Variants in KCNIP4 observed in about 807,000 individuals in gnomAD.
KCNIP4 encodes Kv channel-interacting protein 4.
A neutral mutation model predicts 34.0 loss-of-function variants in KCNIP4; 12 were observed. That is an observed-to-expected ratio of 0.35 (90% CI 0.23 to 0.57). The LOEUF (loss-of-function observed/expected upper bound fraction) is 0.57, where lower values mean the gene tolerates loss of function less well. KCNIP4 is among the 20% of genes least tolerant of loss of function. The pLI is 0.83. For missense variants in KCNIP4, 238 were observed against 311.7 expected (o/e 0.76, Z 1.78); for synonymous variants, 124 against 102.2 (o/e 1.21, Z -1.29).
intron 1 of KCNIP4, among the ~76,000 whole-genome samples, chr4:21,452,911 T>C (rs1198472449): frequency 1.3e-5 from 2 of 152,148 alleles, no homozygotes; most frequent in Non-Finnish European, 2.9e-5. Flanking sequence ...TTTGTTCTTA[T>C]TTTAATTAAT....
At chr4:21,802,610 C>T (rs544283166) in intron 1 of KCNIP4, among the ~76,000 whole-genome samples, 1 of 152,308 alleles carries the variant, frequency 6.6e-6, no homozygotes, top group South Asian at 2.1e-4. Flanking sequence ...GCATTCTCTA[C>T]ATTGTACAAC....
chr4:20,937,768 G>A (rs575334459), intron 1 of KCNIP4, among the ~76,000 whole-genome samples: 3 of 145,142 alleles, frequency 2.1e-5, no homozygotes, highest in Non-Finnish European at 3.0e-5. Flanking sequence ...TTCCACACTC[G>A]GTCAGACTCT....
At chr4:21,385,381 G>T (rs1721930720) in intron 1 of KCNIP4, among the ~76,000 whole-genome samples, 2 of 152,218 alleles carry the variant, frequency 1.3e-5, no homozygotes, top group African/African-American at 4.8e-5. Context: ...AAAGGGTTCT[G>T]GGCCTAGCAG....
intron 1 of KCNIP4, among the ~76,000 whole-genome samples, chr4:21,358,021 G>A (rs2109397515): frequency 6.6e-6 from 1 of 152,246 alleles, no homozygotes; most frequent in Non-Finnish European, 1.5e-5. Context: ...CCTTTGTAGG[G>A]ACGTGGATGA....
chr4:21,215,093 C>T (rs1172286501), intron 1 of KCNIP4, among the ~76,000 whole-genome samples: 2 of 152,154 alleles, frequency 1.3e-5, no homozygotes, highest in African/African-American at 4.8e-5. Flanking sequence ...TAATTACTCA[C>T]ATTCACAAAT....
intron 1 of KCNIP4, among the ~76,000 whole-genome samples, chr4:21,167,733 C>T (rs1753731596): frequency 6.6e-6 from 1 of 152,138 alleles, no homozygotes; most frequent in Non-Finnish European, 1.5e-5. Context: ...GAAAATTATA[C>T]CCAGGAGTAC....
intron 1 of KCNIP4, among the ~76,000 whole-genome samples, chr4:21,516,213 G>A (rs1439474608): frequency 6.6e-6 from 1 of 152,134 alleles, no homozygotes; most frequent in Non-Finnish European, 1.5e-5. Context: ...AGAAAAAGTT[G>A]TCATTTCCCC....
At chr4:21,469,840 AT>A (rs1175929725) in intron 1 of KCNIP4, among the ~76,000 whole-genome samples, 1 of 152,168 alleles carries the variant, frequency 6.6e-6, no homozygotes, top group African/African-American at 2.4e-5. Flanking sequence ...TGTTGATGGT[AT>A]TTTTAATGCC....
chr4:20,928,453 T>C (rs1458299808), intron 1 of KCNIP4, among the ~76,000 whole-genome samples: 1 of 151,814 alleles, frequency 6.6e-6, no homozygotes, highest in Non-Finnish European at 1.5e-5. Context: ...TCAAAATCTA[T>C]GGGATGCAGC....
At chr4:20,738,711 G>T (rs975176394) in intron 5 of KCNIP4, among the ~76,000 whole-genome samples, 2 of 152,202 alleles carry the variant, frequency 1.3e-5, no homozygotes, top group African/African-American at 2.4e-5. Flanking sequence ...ATTTCCAACT[G>T]AGGTACCAGG....
chr4:21,173,814 C>T (rs1056538176), intron 1 of KCNIP4, among the ~76,000 whole-genome samples: 1 of 152,144 alleles, frequency 6.6e-6, no homozygotes, highest in African/African-American at 2.4e-5. Context: ...GAGAAAGTCA[C>T]GTGCTTCAGT....
chr4:21,643,867 T>TA (rs5856653), intron 1 of KCNIP4, among the ~76,000 whole-genome samples: 7,442 of 128,218 alleles, frequency 0.058, 217 homozygotes, highest in South Asian at 0.085. Flanking sequence ...GTGATGATGA[T>TA]GATGATAGAT....
chr4:21,604,753 C>T (rs542173500), intron 1 of KCNIP4, among the ~76,000 whole-genome samples: 2 of 152,132 alleles, frequency 1.3e-5, no homozygotes, highest in East Asian at 1.9e-4. Flanking sequence ...ATTTGATATC[C>T]TTTTTTTGGT....
intron 1 of KCNIP4, among the ~76,000 whole-genome samples, chr4:21,747,123 GT>G (rs1287398996): frequency 6.6e-6 from 1 of 152,070 alleles, no homozygotes; most frequent in Non-Finnish European, 1.5e-5. Context: ...CTGCCACATG[GT>G]TTTTAACCAA....
chr4:21,359,932 C>T (rs1719041963), intron 1 of KCNIP4, among the ~76,000 whole-genome samples: 1 of 152,044 alleles, frequency 6.6e-6, no homozygotes, highest in Admixed American at 6.6e-5. Context: ...CAGCCACTAA[C>T]ATGGTATTAT....
chr4:20,830,791 C>T (rs535422373), intron 3 of KCNIP4, among the ~76,000 whole-genome samples: 1 of 152,302 alleles, frequency 6.6e-6, no homozygotes, highest in East Asian at 1.9e-4. Flanking sequence ...GAAGTTACAT[C>T]TTCGGCAGAA....
At chr4:21,601,062 T>C (rs1743095616) in intron 1 of KCNIP4, among the ~76,000 whole-genome samples, 1 of 151,726 alleles carries the variant, frequency 6.6e-6, no homozygotes. Flanking sequence ...GATCCCTTTA[T>C]GCTTACCACA....
At chr4:21,732,742 A>G (rs1438332357) in intron 1 of KCNIP4, among the ~76,000 whole-genome samples, 3 of 152,162 alleles carry the variant, frequency 2.0e-5, no homozygotes, top group African/African-American at 7.2e-5. Context: ...GCATCAGGGG[A>G]AGGAGAATAC....
At chr4:20,785,292 G>A (rs977269682) in intron 3 of KCNIP4, among the ~76,000 whole-genome samples, 1 of 151,224 alleles carries the variant, frequency 6.6e-6, no homozygotes, top group African/African-American at 2.4e-5. Flanking sequence ...ATGACTGCTA[G>A]CACTTCCCTA....
Sources: gnomAD v4.1 joint callset for allele counts (sites outside exome capture counted in the v4.1 genomes callset) on GRCh38, gnomAD v4.1.1 for gene constraint, MANE v1.5 for transcripts, NCBI Gene and HGNC (gene_info 2026-07-23, HGNC 2026-07-21) for gene names.